Variants in MGA observed in about 807,000 individuals in gnomAD.
The protein encoded by MGA is MAX dimerization protein MGA, also known as MAX gene-associated protein.
Under a neutral mutation model 261.1 loss-of-function variants are expected in MGA, and 40 were observed. That is an observed-to-expected ratio of 0.15 (90% CI 0.12 to 0.20). The LOEUF (loss-of-function observed/expected upper bound fraction) is 0.20. Ranked by LOEUF, MGA falls within the 10% of genes least tolerant of loss-of-function variation. The pLI, the probability that MGA is intolerant of heterozygous loss-of-function variation, is 1.00. For missense variants in MGA, 3,397 were observed against 3,630.5 expected (o/e 0.94, Z 1.65); for synonymous variants, 1,302 against 1,290.6 (o/e 1.01, Z -0.19).
At chr15:41,692,318 C>T (rs1274477538) in intron 2 of MGA, among the ~76,000 whole-genome samples, 6 of 152,206 alleles carry the variant, frequency 3.9e-5, no homozygotes, top group Admixed American at 3.3e-4. Flanking sequence ...GCTGTTTGTT[C>T]TGCAGAAGTC....
chr15:41,749,180 C>G lies in MGA; in HGVS notation c.5573C>G (p.Ser1858Cys). 6.2e-7 allele frequency: 1 copy of G among 1,614,012 alleles called. No individual in the cohort carries two copies. Among genetic ancestry groups the G allele is most frequent in the African/African-American group, 1.3e-5 (1 of 75,044 alleles). ...GAGACTCCGCCATCTTCCACTTCGT[C>G]CTCTGCTTTCTCTGTCATGAATCCT... The change falls in exon 17 of 24, where the codon TCC becomes TGC. Residue 1858 changes from serine to cysteine, a missense_variant. Transcript: ENST00000219905.
chr15:41,631,904 C>G (rs1037590060), intron 1 of MGA, among the ~76,000 whole-genome samples: 2 of 151,442 alleles, frequency 1.3e-5, no homozygotes, highest in African/African-American at 4.9e-5. Context: ...TTTTAAATGG[C>G]AAGTGTTGTT....
intron 17 of MGA, 146 bp downstream of exon 17, chr15:41,750,761 T>C: frequency 1.4e-6 from 1 of 693,598 alleles, no homozygotes; most frequent in Non-Finnish European, 2.3e-6. Flanking sequence ...GCTTAGTAGT[T>C]CTTTAGGCTG....
chr15:41,694,969 A>AT (rs1442084303), intron 2 of MGA, among the ~76,000 whole-genome samples: 3 of 152,100 alleles, frequency 2.0e-5, no homozygotes, highest in African/African-American at 7.2e-5. Context: ...GCTTTGAACT[A>AT]TTTAAAAAAA....
intron 2 of MGA, among the ~76,000 whole-genome samples, chr15:41,691,014 G>A (rs1409050109): frequency 4.0e-5 from 3 of 74,590 alleles, no homozygotes; most frequent in Non-Finnish European, 5.9e-5. Flanking sequence ...TTTTTTTTTG[G>A]TGGCTCCCTT....
intron 1 of MGA, among the ~76,000 whole-genome samples, chr15:41,647,016 A>T (rs1048435758): frequency 6.6e-6 from 1 of 152,184 alleles, no homozygotes; most frequent in African/African-American, 2.4e-5. Context: ...TGTTATTTCC[A>T]TTGGATAAGC....
chr15:41,743,223 A>G, intron 15 of MGA, 51 bp downstream of exon 15: 2 of 1,509,320 alleles, frequency 1.3e-6, no homozygotes, highest in African/African-American at 1.4e-5. Flanking sequence ...ACCTATTTAT[A>G]TAACTTTGTG....
chr15:41,657,797 A>G (rs983658561), upstream of MGA, among the ~76,000 whole-genome samples: 1 of 152,112 alleles, frequency 6.6e-6, no homozygotes, highest in Non-Finnish European at 1.5e-5. Flanking sequence ...GAGTTTGTTC[A>G]TGGTAGTGGT....
At chr15:41,657,812 T>C (rs2057237786), upstream of MGA, among the ~76,000 whole-genome samples, 1 of 152,224 alleles carries the variant, frequency 6.6e-6, no homozygotes, top group Non-Finnish European at 1.5e-5. Context: ...AGTGGTTTCA[T>C]CTGAAGAGTG....
At chr15:41,638,901 G>A (rs770993327) in intron 1 of MGA, among the ~76,000 whole-genome samples, 1 of 151,736 alleles carries the variant, frequency 6.6e-6, no homozygotes, top group Non-Finnish European at 1.5e-5. Flanking sequence ...GGTAGAGATG[G>A]GGTTTTGCCT....
intron 1 of MGA, among the ~76,000 whole-genome samples, chr15:41,646,854 G>T (rs546232691): frequency 2.0e-5 from 3 of 152,286 alleles, no homozygotes; most frequent in Admixed American, 2.0e-4. Flanking sequence ...TCTGTAACCT[G>T]TATGTGTACA....
chr15:41,723,304 G>C (rs1425906183), intron 9 of MGA, among the ~76,000 whole-genome samples: 2 of 152,176 alleles, frequency 1.3e-5, no homozygotes, highest in Non-Finnish European at 2.9e-5. Context: ...CAGTGAGTGT[G>C]AGGGATCAGT....
Position 41,766,913 on chromosome 15 carries a change from C to G in MGA, c.8831C>G (p.Ala2944Gly), listed in dbSNP as rs1489032956. ...GATTCCCTCCTTTCCAACAAGAAAG[C>G]TATTGATGGAGGGAAGAATACTTCT... is the stretch of plus-strand genomic sequence containing the variant. Residue 2944 changes from alanine to glycine, a missense_variant, in exon 24 of 24, where the codon GCT becomes GGT. By Grantham distance (60) the Ala-to-Gly change is moderately conservative. Around this residue, in one of 9 missense-constraint regions of MGA, gnomAD observed 647 missense variants for 642.4 expected, o/e 1.01. Coordinates refer to ENST00000219905, the MANE Select transcript of MGA (RefSeq NM_001164273.2). 10 of 1,613,874 alleles carry G rather than the reference C, an allele frequency of 6.2e-6. No homozygotes were observed. Among genetic ancestry groups the G allele is most frequent in the Non-Finnish European group, 8.5e-6 (10 of 1,179,892 alleles).
chr15:41,698,359 G>T (rs2059656598), intron 3 of MGA, among the ~76,000 whole-genome samples: 1 of 151,304 alleles, frequency 6.6e-6, no homozygotes, highest in Admixed American at 6.6e-5. Flanking sequence ...GTAGAGACAG[G>T]GTTTCACCAT....
intron 2 of MGA, among the ~76,000 whole-genome samples, chr15:41,690,210 C>T (rs2059200475): frequency 1.3e-5 from 2 of 152,142 alleles, no homozygotes; most frequent in Admixed American, 1.3e-4. Flanking sequence ...TCTTTTGTGC[C>T]TGGCTTGTTT....
intron 20 of MGA, among the ~76,000 whole-genome samples, chr15:41,761,397 A>G (rs778606071): frequency 8.5e-5 from 13 of 152,240 alleles, no homozygotes; most frequent in South Asian, 2.1e-4. Flanking sequence ...AGTTATTTCA[A>G]CCAGATTTTG....
At chr15:41,723,074 T>C (rs941845758) in intron 9 of MGA, among the ~76,000 whole-genome samples, 1 of 152,156 alleles carries the variant, frequency 6.6e-6, no homozygotes, top group African/African-American at 2.4e-5. Flanking sequence ...AGGAGACCAT[T>C]TCTTTGTTAA....
intron 1 of MGA, among the ~76,000 whole-genome samples, chr15:41,638,285 C>T (rs941032346): frequency 2.6e-5 from 4 of 151,780 alleles, no homozygotes; most frequent in South Asian, 2.1e-4. Flanking sequence ...TCAGGTGATC[C>T]GCCTGTCTCG....
At chr15:41,639,407 A>G (rs915898540) in intron 1 of MGA, among the ~76,000 whole-genome samples, 1 of 150,692 alleles carries the variant, frequency 6.6e-6, no homozygotes, top group Non-Finnish European at 1.5e-5. Flanking sequence ...ATTTAACTAA[A>G]CTCTCATAGC....
Sources: gnomAD v4.1 joint callset for allele counts (sites outside exome capture counted in the v4.1 genomes callset) on GRCh38, gnomAD v4.1.1 for gene constraint, gnomAD v4.1.1 regional missense constraint, MANE v1.5 for transcripts, NCBI Gene and HGNC (gene_info 2026-07-23, HGNC 2026-07-21) for gene names.